The following PTGER3 variants were observed in gnomAD, a reference collection of about 807,000 sequenced individuals.
PTGER3 encodes prostaglandin E2 receptor EP3 subtype.
Under a neutral mutation model 34.7 loss-of-function variants are expected in PTGER3, and 22 were observed. That is an observed-to-expected ratio of 0.63 (90% confidence interval 0.45 to 0.91). The LOEUF (loss-of-function observed/expected upper bound fraction) is 0.91, where lower values mean the gene tolerates loss of function less well. Ranked by LOEUF, PTGER3 falls within the 40% of genes least tolerant of loss-of-function variation. The pLI, the probability that PTGER3 is intolerant of heterozygous loss-of-function variation, is 0.00. For missense variants in PTGER3, 468 were observed against 519.4 expected, an observed-to-expected ratio of 0.90 and a Z score of 0.96; for synonymous variants, 241 against 230.1, an observed-to-expected ratio of 1.05 and a Z score of -0.43.
chr1:70,928,153 A>G (rs1231628074), intron 4 of PTGER3, among the ~76,000 whole-genome samples: 7 of 146,980 alleles, frequency 4.8e-5, no homozygotes, highest in Admixed American at 4.1e-4. Flanking sequence ...ATATTTATAG[A>G]CATATATATT....
chr1:70,893,916 A>T (rs1646670539), intron 4 of PTGER3, among the ~76,000 whole-genome samples: 1 of 152,132 alleles, frequency 6.6e-6, no homozygotes, highest in Non-Finnish European at 1.5e-5. Context: ...AAAATAAAAT[A>T]AAAAATTTAA....
intron 3 of PTGER3, 43 bp from the exon 4 acceptor site, chr1:70,971,776 G>T: frequency 1.4e-6 from 2 of 1,388,546 alleles, no homozygotes; most frequent in Non-Finnish European, 2.0e-6. Context: ...CATGGATGGG[G>T]ATTATTTTTT....
chr1:71,041,458 T>C (rs945915133), intron 1 of PTGER3, among the ~76,000 whole-genome samples: 4 of 152,174 alleles, frequency 2.6e-5, no homozygotes, highest in African/African-American at 7.2e-5. Context: ...TTTCACACCA[T>C]CATGAAGTTG....
chr1:70,950,317 C>A (rs183701088), downstream of PTGER3, among the ~76,000 whole-genome samples: 1 of 152,278 alleles, frequency 6.6e-6, no homozygotes, highest in African/African-American at 2.4e-5. Flanking sequence ...AACTCAAAGC[C>A]ATTTATAAAT....
At chr1:70,970,636 C>T (rs1652977777), downstream of PTGER3, 1 of 161,438 alleles carries the variant, frequency 6.2e-6, no homozygotes, top group African/African-American at 2.4e-5. Flanking sequence ...AGAGGAGACA[C>T]TCAGTAAATA....
chr1:70,971,794 T>C, intron 3 of PTGER3, 61 bp from the exon 4 acceptor site: 1 of 1,221,634 alleles, frequency 8.2e-7, no homozygotes, highest in Non-Finnish European at 1.2e-6. Context: ...TTTTTAAATT[T>C]TGTGTATGGT....
intron 4 of PTGER3, among the ~76,000 whole-genome samples, chr1:70,915,071 A>G (rs1396752203): frequency 1.3e-5 from 2 of 151,808 alleles, no homozygotes; most frequent in African/African-American, 4.8e-5. Flanking sequence ...CCTCTTTGGG[A>G]CTTCTTTTTA....
chr1:71,020,609 A>C (rs977383156), intron 1 of PTGER3, among the ~76,000 whole-genome samples: 1 of 151,910 alleles, frequency 6.6e-6, no homozygotes, highest in Non-Finnish European at 1.5e-5. Flanking sequence ...CCAAGGGGCA[A>C]ATGGAGGAAA....
chr1:70,857,719 A>G (rs553064230), intron 4 of PTGER3, among the ~76,000 whole-genome samples: 1 of 152,164 alleles, frequency 6.6e-6, no homozygotes, highest in Non-Finnish European at 1.5e-5. Context: ...TATTTTTAGT[A>G]GAGACGGGGT....
At chr1:70,879,727 T>A (rs1004846037) in intron 4 of PTGER3, among the ~76,000 whole-genome samples, 10 of 152,210 alleles carry the variant, frequency 6.6e-5, no homozygotes, top group Non-Finnish European at 1.3e-4. Flanking sequence ...TACAGTTGGA[T>A]CTTGCTTTCT....
intron 4 of PTGER3, among the ~76,000 whole-genome samples, chr1:70,916,866 A>G (rs993256404): frequency 1.3e-5 from 2 of 152,024 alleles, no homozygotes; most frequent in Non-Finnish European, 2.9e-5. Context: ...AAGCTAACTT[A>G]ATTTGTTTGG....
intron 4 of PTGER3, among the ~76,000 whole-genome samples, chr1:70,886,802 T>C (rs1029029586): frequency 1.3e-5 from 2 of 152,206 alleles, no homozygotes; most frequent in African/African-American, 4.8e-5. Context: ...ATAAATATGG[T>C]TGAATTCATG....
intron 4 of PTGER3, among the ~76,000 whole-genome samples, chr1:70,933,136 T>C (rs1328309987): frequency 6.6e-6 from 1 of 152,180 alleles, no homozygotes; most frequent in African/African-American, 2.4e-5. Flanking sequence ...CTTATTTGTG[T>C]AAAGTAATAC....
At chr1:70,981,782 C>T (rs1008296946) in intron 2 of PTGER3, among the ~76,000 whole-genome samples, 1 of 151,834 alleles carries the variant, frequency 6.6e-6, no homozygotes. Context: ...TTCCTATGGT[C>T]CAAGGAACGT....
intron 2 of PTGER3, among the ~76,000 whole-genome samples, chr1:70,994,655 C>T (rs1655773225): frequency 6.6e-6 from 1 of 151,878 alleles, no homozygotes; most frequent in Non-Finnish European, 1.5e-5. Flanking sequence ...ACAGGGTTTC[C>T]CCATGTTGGC....
chr1:70,921,295 C>T (rs887831435), intron 4 of PTGER3, among the ~76,000 whole-genome samples: 7 of 152,098 alleles, frequency 4.6e-5, no homozygotes, highest in South Asian at 4.1e-4. Context: ...AGTGGCCGCC[C>T]GAACTTTTCA....
rs1026695968 is a variant in PTGER3, at chr1:71,047,291, G to A, written c.287C>T (p.Ala96Val). 6 of 1,597,564 alleles carry A rather than the reference G, an allele frequency of 3.8e-6. No homozygotes were observed. The Admixed American group carries it at 7.0e-5, about 19-fold the overall frequency. Residue 96 changes from alanine to valine, a missense_variant, in exon 1 of 4, where the codon GCG becomes GTG. Physicochemically the swap from Ala to Val is moderately conservative, Grantham distance 64. Transcript: ENST00000306666. ...KSFLLCIGWL[A>V]LTDLVGQLLT... ...AAGCTGCCCGACCAGGTCGGTGAGC[G>A]CCAGCCAGCCGATGCACAGCAGGAA...
intron 1 of PTGER3, among the ~76,000 whole-genome samples, chr1:71,038,649 G>A (rs1197139853): frequency 1.3e-5 from 2 of 152,198 alleles, no homozygotes; most frequent in African/African-American, 4.8e-5. Context: ...TGTGGTCCCA[G>A]AGAATATCTG....
chr1:70,950,003 T>C (rs888549097), downstream of PTGER3, among the ~76,000 whole-genome samples: 1 of 152,094 alleles, frequency 6.6e-6, no homozygotes, highest in African/African-American at 2.4e-5. Context: ...AGAGTAAATG[T>C]GTCAAAGTCC....
Sources: gnomAD v4.1 joint callset for allele counts (sites outside exome capture counted in the v4.1 genomes callset) on GRCh38, gnomAD v4.1.1 for gene constraint, MANE v1.5 for transcripts, NCBI Gene and HGNC (gene_info 2026-07-23, HGNC 2026-07-21) for gene names.